The following INCENP variants were observed in gnomAD, a reference collection of about 807,000 sequenced individuals.
INCENP encodes the protein binds and activates aurora-B and -C in vivo and in vitro.
INCENP carries 43 observed loss-of-function variants against 107.3 expected under a neutral mutation model. The ratio of observed to expected loss-of-function variants is 0.40; its 90% CI spans 0.31 to 0.52. The LOEUF (loss-of-function observed/expected upper bound fraction) is 0.52, where lower values mean the gene tolerates loss of function less well. Ranked by LOEUF, INCENP falls within the 20% of genes least tolerant of loss-of-function variation. The pLI, the probability that INCENP is intolerant of heterozygous loss-of-function variation, is 0.53. For synonymous variants in INCENP, 488 were observed against 494.4 expected (o/e 0.99, Z 0.17); for missense variants, 1,089 against 1,250.9 (o/e 0.87, Z 1.95).
chr11:62,150,902 G>GGTGC (rs1944359050), intron 18 of INCENP, among the ~76,000 whole-genome samples: 1 of 152,178 alleles, frequency 6.6e-6, no homozygotes, highest in East Asian at 1.9e-4. Context: ...GCCCCAGAGG[G>GGTGC]AAGGGCCTGG....
chr11:62,141,726 C>T (rs1944127770), intron 11 of INCENP: 2 of 661,632 alleles, frequency 3.0e-6, no homozygotes, highest in Admixed American at 2.5e-5. Flanking sequence ...CTGCCCTTGA[C>T]TCTGCTCTTA....
chr11:62,152,074 T>C lies in INCENP; in HGVS notation c.*98T>C. On this transcript the variant is annotated 3_prime_UTR_variant, in exon 19 of 19. Transcript: ENST00000394818. Reference sequence around the variant, plus strand: ...TGGTCTGTTGCCCTCCTTCTTGGCATGCCATTGTGGAGGGCTTGGCCAGGT... The same window carrying C: ...TGGTCTGTTGCCCTCCTTCTTGGCACGCCATTGTGGAGGGCTTGGCCAGGT... The C allele has an allele frequency of 6.4e-6, 6 of 940,388 alleles. 1 individual carries two copies. Among genetic ancestry groups the C allele is most frequent in the Non-Finnish European group, 9.5e-6 (6 of 629,366 alleles). The allele number at this position is 940,388 out of a possible 1,614,324, so 58.3% of individuals were successfully genotyped here. A position where few individuals can be genotyped will look rare whatever the true frequency, so the allele number is the denominator to read the frequency against.
At position 62,141,496 on chromosome 11, in the gene INCENP, A is replaced by G; in HGVS notation, c.1594-4A>G. The G allele has an allele frequency of 6.2e-7, 1 of 1,613,960 alleles. No homozygotes were observed. Among genetic ancestry groups the G allele is most frequent in the South Asian group, 1.1e-5 (1 of 91,076 alleles). On this transcript the variant is annotated splice_polypyrimidine_tract_variant and splice_region_variant and intron_variant, in intron 10 of 18. Transcript: ENST00000394818. ...TCTTGCCTTTTCCCTTGTCTCCTCC[A>G]CAGTGCAGCTTCGTCGTAAGTAAAG...
intron 4 of INCENP, among the ~76,000 whole-genome samples, chr11:62,135,006 A>G (rs1390731428): frequency 6.6e-6 from 1 of 151,990 alleles, no homozygotes; most frequent in Non-Finnish European, 1.5e-5. Context: ...AGCTGAATTC[A>G]CGCCACTTCA....
chr11:62,140,009 C>G (rs1437527049), intron 7 of INCENP, among the ~76,000 whole-genome samples: 1 of 152,044 alleles, frequency 6.6e-6, no homozygotes, highest in African/African-American at 2.4e-5. Context: ...GAACTCCTGA[C>G]CTCAAGGATC....
At chr11:62,142,484 G>C (rs1439955306) in intron 11 of INCENP, among the ~76,000 whole-genome samples, 5 of 152,240 alleles carry the variant, frequency 3.3e-5, no homozygotes, top group African/African-American at 1.2e-4. Flanking sequence ...GGGGATCCCA[G>C]GTCCCTGCAC....
chr11:62,133,125 G>A (rs1943923268), intron 4 of INCENP, among the ~76,000 whole-genome samples: 1 of 152,152 alleles, frequency 6.6e-6, no homozygotes, highest in South Asian at 2.1e-4. Flanking sequence ...CCTGATACCA[G>A]GCTCTGGGAG....
rs1283935583 is a variant in INCENP, at chr11:62,129,942, G to A, written c.415G>A (p.Ala139Thr). The part of the protein sequence containing the change: ...AAAAAATMAL[A>T]APSSPTPESP... Reference sequence around the variant, plus strand: ...AGCTGCCGCGGCTACCATGGCATTGGCTGCACCTTCTTCACCCACCCCTGA... The same window carrying A: ...AGCTGCCGCGGCTACCATGGCATTGACTGCACCTTCTTCACCCACCCCTGA... Residue 139 changes from alanine (A) to threonine (T), a missense_variant, in exon 4 of 19, where the codon GCT (alanine) becomes ACT (threonine). By Grantham distance (58) the Ala-to-Thr change is moderately conservative. Transcript: ENST00000394818. 1.9e-6 allele frequency: 3 copies of A among 1,614,046 alleles called. No homozygotes were observed. Among genetic ancestry groups the A allele is most frequent in the Admixed American group, 1.7e-5 (1 of 60,026 alleles).
intron 7 of INCENP, 33 bp downstream of exon 7, chr11:62,139,038 C>T (rs201840859): frequency 3.3e-5 from 49 of 1,505,944 alleles, no homozygotes; most frequent in East Asian, 6.8e-5. Context: ...GTGCAGTGCC[C>T]GGAGCCACAG....
rs1396476197 is a variant in INCENP at position 62,143,763 on chromosome 11, C to T, written c.1606-1219C>T. 2.6e-5 allele frequency among the ~76,000 whole-genome samples: 4 copies of T among 152,334 alleles called. No individual in the cohort carries two copies. The East Asian group carries it at 5.8e-4, about 22-fold the overall frequency. On this transcript the variant is annotated intron_variant, in intron 11 of 18. Transcript: ENST00000394818. ...ACAGGAAGAGGGGGAAGCTATTGGACACTGTGCCTAAAGGTGGGAGTCTAC... is the reference window on the plus strand; with the variant it reads ...ACAGGAAGAGGGGGAAGCTATTGGATACTGTGCCTAAAGGTGGGAGTCTAC...
At chr11:62,125,572 A>G (rs1943730539) in intron 1 of INCENP, among the ~76,000 whole-genome samples, 1 of 152,222 alleles carries the variant, frequency 6.6e-6, no homozygotes. Context: ...GATCCTGCCC[A>G]TTTGGCCCTG....
chr11:62,130,975 T>C (rs1391406527), intron 4 of INCENP, among the ~76,000 whole-genome samples: 1 of 152,302 alleles, frequency 6.6e-6, no homozygotes, highest in African/African-American at 2.4e-5. Context: ...ATGTTGAGGC[T>C]GGAGCCTGGG....
intron 4 of INCENP, among the ~76,000 whole-genome samples, chr11:62,137,289 C>A (rs1291436686): frequency 6.6e-6 from 1 of 152,114 alleles, no homozygotes; most frequent in Non-Finnish European, 1.5e-5. Context: ...GGCAACAGAG[C>A]AAGACTCCGT....
At chr11:62,148,139 T>C (rs1412902203) in intron 15 of INCENP, among the ~76,000 whole-genome samples, 1 of 152,156 alleles carries the variant, frequency 6.6e-6, no homozygotes, top group Non-Finnish European at 1.5e-5. Context: ...AAAGGGGTAT[T>C]GTGGATTATC....
chr11:62,141,691 G>T (rs1590621404), intron 11 of INCENP, 180 bp downstream of exon 11: 34 of 797,404 alleles, frequency 4.3e-5, no homozygotes, highest in East Asian at 1.5e-4. Context: ...GCAGTTCTGG[G>T]CCCCAGCGTC....
intron 11 of INCENP, chr11:62,141,726 C>G: frequency 3.0e-6 from 2 of 661,632 alleles, no homozygotes; most frequent in Non-Finnish European, 5.4e-6. Context: ...CTGCCCTTGA[C>G]TCTGCTCTTA....
rs577007660 is a variant in INCENP at position 62,128,382 on chromosome 11, G to A, written c.140+81G>A. The A allele has an allele frequency of 3.3e-5, 50 of 1,511,554 alleles. No homozygotes were observed. The Admixed American group carries it at 4.4e-4, about 13-fold the overall frequency. 93.6% of individuals were successfully genotyped at this position (1,511,554 alleles called of 1,614,324 possible). A position where few individuals can be genotyped will look rare whatever the true frequency, so the allele number is the denominator to read the frequency against. ...GGTCTTGGGGACACAACAGCCCCTCGTCCCCGCCTACCTGGCAAAACAGAC... is the reference window on the plus strand; with the variant it reads ...GGTCTTGGGGACACAACAGCCCCTCATCCCCGCCTACCTGGCAAAACAGAC... On this transcript the variant is annotated intron_variant, in intron 2 of 18. Transcript: ENST00000394818.
chr11:62,127,449 G>A (rs903661755), intron 1 of INCENP, among the ~76,000 whole-genome samples: 5 of 152,234 alleles, frequency 3.3e-5, no homozygotes, highest in South Asian at 2.1e-4. Context: ...TTAAAAGCAA[G>A]ATATTGCTTA....
intron 10 of INCENP, among the ~76,000 whole-genome samples, 166 bp downstream of exon 10, chr11:62,141,210 A>G (rs1944114958): frequency 6.6e-6 from 1 of 151,932 alleles, no homozygotes; most frequent in Non-Finnish European, 1.5e-5. Context: ...GGCTGTCTTG[A>G]CCTCTGAGGG....
Sources: gnomAD v4.1 joint callset for allele counts (sites outside exome capture counted in the v4.1 genomes callset) on GRCh38, gnomAD v4.1.1 for gene constraint, MANE v1.5 for transcripts, NCBI Gene and HGNC (gene_info 2026-07-23, HGNC 2026-07-21) for gene names.